The following TMEM132B variants were observed in gnomAD, a reference collection of about 807,000 sequenced individuals.
TMEM132B encodes the protein transmembrane protein 132B.
In TMEM132B, 18 loss-of-function variants were observed where a neutral mutation model predicts 90.8. The observed-to-expected ratio is 0.20, with a 90% CI of 0.14 to 0.29. The LOEUF is 0.29. Among genes scored for constraint, TMEM132B ranks in the 10% least tolerant of loss-of-function variants. TMEM132B has a pLI of 1.00. For synonymous variants in TMEM132B, 504 were observed against 523.3 expected (o/e 0.96, Z 0.50); for missense variants, 1,096 against 1,326.8 (o/e 0.83, Z 2.70).
chr12:125,387,608 A>G (rs552102725), intron 2 of TMEM132B, among the ~76,000 whole-genome samples: 2 of 152,324 alleles, frequency 1.3e-5, no homozygotes, highest in Non-Finnish European at 1.5e-5. Context: ...AGCTTTTGAG[A>G]TGTGCAACCC....
chr12:125,449,527 A>G (rs1185256492), intron 3 of TMEM132B, among the ~76,000 whole-genome samples: 1 of 151,992 alleles, frequency 6.6e-6, no homozygotes, highest in African/African-American at 2.4e-5. Context: ...CCCAAGAATT[A>G]GTTTTTCATT....
At chr12:125,522,468 G>A (rs566992112) in intron 4 of TMEM132B, among the ~76,000 whole-genome samples, 1 of 152,304 alleles carries the variant, frequency 6.6e-6, no homozygotes, top group East Asian at 1.9e-4. Context: ...CTATAATGCT[G>A]AAAGAAGAGG....
intron 3 of TMEM132B, among the ~76,000 whole-genome samples, chr12:125,470,603 A>G (rs1881688423): frequency 6.6e-6 from 1 of 152,192 alleles, no homozygotes; most frequent in South Asian, 2.1e-4. Context: ...TATTAGCTGT[A>G]TCCCAGTGGT....
intron 3 of TMEM132B, among the ~76,000 whole-genome samples, chr12:125,466,109 C>T (rs893261682): frequency 6.6e-6 from 1 of 152,154 alleles, no homozygotes; most frequent in African/African-American, 2.4e-5. Context: ...TGGCCTGGAG[C>T]TACAGCTTCA....
At chr12:125,372,352 G>A (rs1455633182) in intron 2 of TMEM132B, among the ~76,000 whole-genome samples, 3 of 152,196 alleles carry the variant, frequency 2.0e-5, no homozygotes, top group Non-Finnish European at 4.4e-5. Flanking sequence ...TAGCAAACTT[G>A]CCACTTACCT....
At chr12:125,505,182 A>AAAAAAC (rs1882810570) in intron 3 of TMEM132B, among the ~76,000 whole-genome samples, 1 of 146,580 alleles carries the variant, frequency 6.8e-6, no homozygotes, top group Non-Finnish European at 1.5e-5. Flanking sequence ...AAAAAAAAAA[A>AAAAAAC]AAAAAAAAAA....
chr12:125,653,764 T>A lies in TMEM132B; in HGVS notation c.2306T>A (p.Met769Lys). 2 of 1,614,232 alleles carry A rather than the reference T, an allele frequency of 1.2e-6. No individual in the cohort carries two copies. The highest frequency in any genetic ancestry group is 1.7e-6 in the Non-Finnish European group (2 of 1,180,046). The change falls in exon 9 of 9, where the codon ATG becomes AAG. Residue 769 changes from methionine to lysine, a missense_variant. Coordinates refer to ENST00000682704, the MANE Select transcript of TMEM132B (RefSeq NM_001366854.1). ...GGGCCTTTGATTAAGTTAGAAATGA[T>A]GATAAGTGAACCTTGTCAGAAGACC... ...GQGPLIKLEM[M>K]ISEPCQKTKR...
intron 5 of TMEM132B, among the ~76,000 whole-genome samples, chr12:125,607,897 T>G (rs1442111747): frequency 6.6e-6 from 1 of 152,224 alleles, no homozygotes; most frequent in Non-Finnish European, 1.5e-5. Context: ...CATAGCATAA[T>G]AGTTTCAAGG....
chr12:125,439,097 G>A (rs562591867), intron 3 of TMEM132B, among the ~76,000 whole-genome samples: 1 of 151,454 alleles, frequency 6.6e-6, no homozygotes, highest in South Asian at 2.1e-4. Flanking sequence ...GTAAGGTGAT[G>A]TCTACAGCTT....
At chr12:125,575,479 A>G (rs1884921302) in intron 4 of TMEM132B, among the ~76,000 whole-genome samples, 1 of 151,464 alleles carries the variant, frequency 6.6e-6, no homozygotes, top group Non-Finnish European at 1.5e-5. Flanking sequence ...TATCAAATAT[A>G]TTATTTGCAA....
At chr12:125,507,534 A>G (rs1296912906) in intron 3 of TMEM132B, among the ~76,000 whole-genome samples, 1 of 152,116 alleles carries the variant, frequency 6.6e-6, no homozygotes, top group Admixed American at 6.5e-5. Flanking sequence ...TTAGTCCTGA[A>G]GGCGAGGCCA....
chr12:125,215,135 G>T (rs781729561), intron 1 of TMEM132B, among the ~76,000 whole-genome samples: 1 of 152,144 alleles, frequency 6.6e-6, no homozygotes, highest in Admixed American at 6.5e-5. Context: ...ATATAGACCC[G>T]TCATTGAAAT....
At chr12:125,438,556 C>T (rs1485606755) in intron 3 of TMEM132B, among the ~76,000 whole-genome samples, 1 of 152,208 alleles carries the variant, frequency 6.6e-6, no homozygotes, top group African/African-American at 2.4e-5. Context: ...TTGTAGCAAA[C>T]ATCCACCTAT....
intron 1 of TMEM132B, among the ~76,000 whole-genome samples, chr12:125,264,813 T>C (rs1874647849): frequency 6.6e-6 from 1 of 152,258 alleles, no homozygotes; most frequent in African/African-American, 2.4e-5. Flanking sequence ...CTTGCATGAA[T>C]GCAAACACCC....
rs146257122 is a variant in TMEM132B at position 125,457,666 on chromosome 12, C to T, written c.1106+41989C>T. Reference sequence around the variant, plus strand: ...GCTGGTGACAGGATCCTACAGGTGACGGTGAAGCTGCCTGGGGCTCTGCAA... The same window carrying T: ...GCTGGTGACAGGATCCTACAGGTGATGGTGAAGCTGCCTGGGGCTCTGCAA... On this transcript the variant is annotated intron_variant, in intron 3 of 8. Coordinates refer to ENST00000682704, the MANE Select transcript of TMEM132B (RefSeq NM_001366854.1). Among the ~76,000 whole-genome samples, 9 of 152,200 alleles carry T rather than the reference C, an allele frequency of 5.9e-5. 1 individual carries two copies. The highest frequency in any genetic ancestry group is 6.8e-3 in the Middle Eastern group (2 of 294).
At chr12:125,390,870 T>C (rs1356883340) in intron 2 of TMEM132B, among the ~76,000 whole-genome samples, 1 of 152,254 alleles carries the variant, frequency 6.6e-6, no homozygotes, top group Non-Finnish European at 1.5e-5. Flanking sequence ...TCTTGAATTC[T>C]TGAAACTTTA....
chr12:125,561,249 A>G (rs1324202399), intron 4 of TMEM132B, among the ~76,000 whole-genome samples: 1 of 152,118 alleles, frequency 6.6e-6, no homozygotes. Flanking sequence ...AGAAACCATC[A>G]TTCTCAGCAA....
intron 1 of TMEM132B, among the ~76,000 whole-genome samples, chr12:125,227,175 C>T (rs1873701618): frequency 6.6e-6 from 1 of 152,182 alleles, no homozygotes; most frequent in Admixed American, 6.5e-5. Context: ...CAGTTGCCTG[C>T]AGTGTTCTGT....
chr12:125,308,632 T>C (rs959489348), intron 1 of TMEM132B, among the ~76,000 whole-genome samples: 2 of 152,194 alleles, frequency 1.3e-5, no homozygotes, highest in Admixed American at 6.5e-5. Flanking sequence ...TTTTTTTTAA[T>C]TGTAATTTTT....
Sources: allele counts gnomAD v4.1 joint callset (sites outside exome capture counted in the v4.1 genomes callset), GRCh38; gene constraint gnomAD v4.1.1; transcripts MANE v1.5; gene names NCBI Gene and HGNC (gene_info 2026-07-23, HGNC 2026-07-21).